The following BBX variants were observed in gnomAD, a reference collection of about 807,000 sequenced individuals.
BBX encodes the protein HMG box transcription factor BBX.
Under a neutral mutation model 100.2 loss-of-function variants are expected in BBX, and 30 were observed. That is an observed-to-expected ratio of 0.30 (90% CI 0.22 to 0.41). The LOEUF (loss-of-function observed/expected upper bound fraction) is 0.41. Ranked by LOEUF, BBX falls within the 10% of genes least tolerant of loss-of-function variation. BBX has a pLI of 1.00. For missense variants in BBX, 1,023 were observed against 1,129.8 expected (o/e 0.91, Z 1.35); for synonymous variants, 376 against 388.1 (o/e 0.97, Z 0.37).
At chr3:107,717,930 A>C (rs1385078417) in intron 5 of BBX, among the ~76,000 whole-genome samples, 2 of 152,068 alleles carry the variant, frequency 1.3e-5, no homozygotes, top group African/African-American at 4.8e-5. Flanking sequence ...GTTAAGTTTT[A>C]TCAAAAAATG....
intron 2 of BBX, among the ~76,000 whole-genome samples, chr3:107,567,791 G>A (rs2107503835): frequency 6.6e-6 from 1 of 152,036 alleles, no homozygotes; most frequent in Admixed American, 6.5e-5. Context: ...ACTTTTCTTG[G>A]AATGATTAAG....
chr3:107,619,225 A>G (rs1237353185), intron 2 of BBX, among the ~76,000 whole-genome samples: 1 of 152,078 alleles, frequency 6.6e-6, no homozygotes, highest in Non-Finnish European at 1.5e-5. Context: ...TAATATTTGC[A>G]TGATATACCG....
chr3:107,621,477 C>G (rs2055763172), intron 2 of BBX, among the ~76,000 whole-genome samples: 1 of 152,128 alleles, frequency 6.6e-6, no homozygotes, highest in Non-Finnish European at 1.5e-5. Context: ...ATTTATTCAC[C>G]TGCTTTTTAA....
At chr3:107,792,520 A>G (rs1295428879) in intron 15 of BBX, among the ~76,000 whole-genome samples, 1 of 152,192 alleles carries the variant, frequency 6.6e-6, no homozygotes, top group Non-Finnish European at 1.5e-5. Flanking sequence ...AGTATTTTTG[A>G]TTTAGTAGGC....
chr3:107,785,366 A>G (rs1161406762), intron 13 of BBX, among the ~76,000 whole-genome samples: 2 of 151,998 alleles, frequency 1.3e-5, no homozygotes, highest in African/African-American at 4.8e-5. Context: ...TCTCAAGACA[A>G]AGACATCACA....
intron 3 of BBX, among the ~76,000 whole-genome samples, chr3:107,677,669 T>A (rs2059354687): frequency 2.0e-5 from 3 of 152,160 alleles, no homozygotes; most frequent in Non-Finnish European, 4.4e-5. Flanking sequence ...TTTTCAAGCA[T>A]GTTTAAGCTA....
chr3:107,603,634 T>C (rs1576462218), intron 2 of BBX, among the ~76,000 whole-genome samples: 1 of 152,236 alleles, frequency 6.6e-6, no homozygotes, highest in East Asian at 1.9e-4. Context: ...AGCCTCGGCC[T>C]TCCAAGGTGC....
At chr3:107,614,076 T>C (rs949322123) in intron 2 of BBX, among the ~76,000 whole-genome samples, 2 of 150,144 alleles carry the variant, frequency 1.3e-5, no homozygotes, top group Non-Finnish European at 3.0e-5. Flanking sequence ...CTCAGCTTCC[T>C]GACTAGCTGG....
intron 2 of BBX, among the ~76,000 whole-genome samples, chr3:107,607,510 G>A (rs746691708): frequency 5.9e-5 from 9 of 152,188 alleles, no homozygotes; most frequent in Non-Finnish European, 1.2e-4. Flanking sequence ...TAGTGCTGCA[G>A]TAAACATGGG....
chr3:107,605,732 C>T (rs1352124140), intron 2 of BBX, among the ~76,000 whole-genome samples: 1 of 152,126 alleles, frequency 6.6e-6, no homozygotes, highest in East Asian at 1.9e-4. Flanking sequence ...CCTCATTTTG[C>T]AGATGAAGAA....
In BBX at chr3:107,572,936, T is replaced by C. The variant is rs1410569447; in HGVS notation, c.-84+46538T>C. ...GGCTTATTTAAAAATTTTAAGTAAA[T>C]TTCCAACTAATATAATATTTTAAAT... On this transcript the variant is annotated intron_variant, in intron 2 of 17. Coordinates refer to ENST00000325805, the MANE Select transcript of BBX (RefSeq NM_001142568.3). Among the ~76,000 whole-genome samples, 8 of 152,196 alleles carry C rather than the reference T, an allele frequency of 5.3e-5. 1 individual carries two copies. Among genetic ancestry groups the C allele is most frequent in the Non-Finnish European group, 1.5e-5 (1 of 68,030 alleles).
intron 3 of BBX, among the ~76,000 whole-genome samples, chr3:107,703,693 G>A (rs1238795384): frequency 6.6e-6 from 1 of 152,158 alleles, no homozygotes; most frequent in Non-Finnish European, 1.5e-5. Flanking sequence ...TGAGTGAATT[G>A]CTTCTAAAAT....
chr3:107,670,255 A>G (rs1315020565), intron 3 of BBX, among the ~76,000 whole-genome samples: 1 of 152,164 alleles, frequency 6.6e-6, no homozygotes, highest in Non-Finnish European at 1.5e-5. Flanking sequence ...AGTAATTTTA[A>G]TATATTAAGA....
chr3:107,749,389 T>C (rs1475475819), intron 9 of BBX, among the ~76,000 whole-genome samples: 2 of 152,226 alleles, frequency 1.3e-5, no homozygotes, highest in Admixed American at 1.3e-4. Context: ...GAGCCAGTTC[T>C]ATCTAACTTT....
chr3:107,536,707 A>C (rs2048515583), intron 2 of BBX, among the ~76,000 whole-genome samples: 1 of 152,144 alleles, frequency 6.6e-6, no homozygotes, highest in Non-Finnish European at 1.5e-5. Context: ...AGGGTAGCAG[A>C]AACTATACCA....
intron 2 of BBX, among the ~76,000 whole-genome samples, chr3:107,592,224 G>A (rs2053373078): frequency 6.6e-6 from 1 of 151,900 alleles, no homozygotes; most frequent in Admixed American, 6.6e-5. Flanking sequence ...TTAAACAGCT[G>A]GGTTTAGTGG....
intron 10 of BBX, among the ~76,000 whole-genome samples, chr3:107,765,605 G>A (rs1404867696): frequency 1.3e-5 from 2 of 152,072 alleles, no homozygotes; most frequent in African/African-American, 2.4e-5. Context: ...AGCTAACCTC[G>A]CCTGGCCCAT....
intron 6 of BBX, among the ~76,000 whole-genome samples, chr3:107,730,845 T>C (rs537711334): frequency 3.5e-4 from 53 of 152,320 alleles, no homozygotes; most frequent in African/African-American, 1.3e-3. Flanking sequence ...ATGTTCCTTT[T>C]CAACAAGATG....
At chr3:107,743,925 T>C (rs1415929457) in intron 7 of BBX, among the ~76,000 whole-genome samples, 1 of 146,616 alleles carries the variant, frequency 6.8e-6, no homozygotes, top group Middle Eastern at 3.5e-3. Context: ...GTGGTTTTTT[T>C]TTTTTTTTTT....
Sources: allele counts gnomAD v4.1 joint callset (sites outside exome capture counted in the v4.1 genomes callset), GRCh38; gene constraint gnomAD v4.1.1; transcripts MANE v1.5; gene names NCBI Gene and HGNC (gene_info 2026-07-23, HGNC 2026-07-21).